The following PPP4R4 variants were observed in gnomAD, a reference collection of about 807,000 sequenced individuals.
The protein encoded by PPP4R4 is serine/threonine-protein phosphatase 4 regulatory subunit 4.
In PPP4R4, 70 loss-of-function variants were observed where a neutral mutation model predicts 121.8. That is an observed-to-expected ratio of 0.57 (90% CI 0.47 to 0.70). The LOEUF (loss-of-function observed/expected upper bound fraction) is 0.70, where lower values mean the gene tolerates loss of function less well. Ranked by LOEUF, PPP4R4 falls within the 30% of genes least tolerant of loss-of-function variation. The pLI, the probability that PPP4R4 is intolerant of heterozygous loss-of-function variation, is 0.00. For missense variants in PPP4R4, 875 were observed against 1,033.6 expected, an observed-to-expected ratio of 0.85 and a Z score of 2.10; for synonymous variants, 348 against 355.7, an observed-to-expected ratio of 0.98 and a Z score of 0.24.
chr14:94,251,868 C>T lies in PPP4R4; in HGVS notation c.1837C>T (p.Leu613=). ...ATATTTCTTTCTACCTGCTATTGAA[C>T]TGACACATGATCCAGTAGCAAATGT... ...CKYFFLPAIE[L]THDPVANVRM... is the part of the protein sequence containing the mutation. Residue 613 remains leucine (L), a synonymous_variant, in exon 16 of 25, where the codon CTG becomes TTG. Transcript: ENST00000304338. 6.3e-7 allele frequency: 1 copy of T among 1,591,554 alleles called. No individual in the cohort carries two copies. Among genetic ancestry groups the T allele is most frequent in the Non-Finnish European group, 8.6e-7 (1 of 1,167,260 alleles).
At chr14:94,266,937 A>G in intron 22 of PPP4R4, 22 bp from the exon 23 acceptor site, 1 of 1,488,832 alleles carries the variant, frequency 6.7e-7, no homozygotes, top group Non-Finnish European at 9.3e-7. Context: ...TGTATTTTAA[A>G]CTAAATCATG....
At chr14:94,227,309 T>A (rs780087931) in intron 3 of PPP4R4, 17 of 1,612,212 alleles carry the variant, frequency 1.1e-5, no homozygotes, top group Non-Finnish European at 1.4e-5. Context: ...CACACTTATT[T>A]ATCCAGAGAG....
intron 2 of PPP4R4, among the ~76,000 whole-genome samples, chr14:94,194,479 CAAAAAGAATAATGTTGATCAAATATTT>C (rs746064029): frequency 6.6e-6 from 1 of 152,006 alleles, no homozygotes; most frequent in Non-Finnish European, 1.5e-5. Context: ...TACTTTGAAA[CAAAAAGAATAATGTTGATCAAATATTT>C]AAAAATTACA....
chr14:94,272,388 C>G (rs1191723619), intron 23 of PPP4R4, among the ~76,000 whole-genome samples: 1 of 152,104 alleles, frequency 6.6e-6, no homozygotes, highest in Non-Finnish European at 1.5e-5. Flanking sequence ...AACAAAGGAG[C>G]AAAGCCAATA....
At chr14:94,246,321 AT>A in intron 13 of PPP4R4, 35 bp from the exon 14 acceptor site, 2 of 1,559,362 alleles carry the variant, frequency 1.3e-6, no homozygotes, top group Non-Finnish European at 1.7e-6. Flanking sequence ...GCTGCAATTT[AT>A]TTATAATTGA....
chr14:94,237,528 T>C, intron 7 of PPP4R4, 37 bp from the exon 8 acceptor site: 1 of 1,576,772 alleles, frequency 6.3e-7, no homozygotes, highest in South Asian at 1.1e-5. Context: ...ACACATTTAT[T>C]GATTTGATTT....
In PPP4R4 at chr14:94,256,638, T is replaced by G. The variant is rs143001586; in HGVS notation, c.2010+34T>G. The G allele has an allele frequency of 1.4e-4, 221 of 1,539,338 alleles. No homozygotes were observed. The East Asian group carries it at 4.5e-3, about 31-fold the overall frequency. On this transcript the variant is annotated intron_variant, in intron 17 of 24. Coordinates refer to ENST00000304338, the MANE Select transcript of PPP4R4 (RefSeq NM_058237.2). Reference sequence around the variant, plus strand: ...CACTCTTGCCACAATGTTGCATTTTTTGCATTAAGGCAGTAAGAATCTTAG... The same window carrying G: ...CACTCTTGCCACAATGTTGCATTTTGTGCATTAAGGCAGTAAGAATCTTAG...
At chr14:94,250,148 G>C in intron 14 of PPP4R4, 24 bp from the exon 15 acceptor site, 1 of 1,482,570 alleles carries the variant, frequency 6.7e-7, no homozygotes, top group Non-Finnish European at 9.4e-7. Context: ...TAGTGTAACT[G>C]TCTGTCTTAC....
At chr14:94,265,934 T>C (rs767300131) in intron 22 of PPP4R4, 47 bp downstream of exon 22, 1 of 1,233,790 alleles carries the variant, frequency 8.1e-7, no homozygotes, top group Non-Finnish European at 1.1e-6. Context: ...TTTATCTTTA[T>C]TCACATCTTC....
intron 24 of PPP4R4, among the ~76,000 whole-genome samples, 195 bp downstream of exon 24, chr14:94,275,716 A>G (rs1894603219): frequency 6.6e-6 from 1 of 152,262 alleles, no homozygotes; most frequent in African/African-American, 2.4e-5. Flanking sequence ...TGGCAAAGGC[A>G]TTATAACCTT....
At position 94,194,902 on chromosome 14, in the gene PPP4R4, T is replaced by C. The variant is rs769150887; in HGVS notation, c.192-13562T>C. ...GCAAGCCAAGTCTAGTCAGTGACCC[T>C]TTTGTCTGATACACAACCTTTTCAC... On this transcript the variant is annotated intron_variant, in intron 2 of 24. Coordinates refer to ENST00000304338, the MANE Select transcript of PPP4R4 (RefSeq NM_058237.2). Among the ~76,000 whole-genome samples the C allele has an allele frequency of 9.3e-4, 142 of 152,254 alleles. 1 individual carries two copies. The highest frequency in any genetic ancestry group is 3.4e-3 in the African/African-American group (139 of 41,466).
At chr14:94,247,717 A>G (rs529533531) in intron 14 of PPP4R4, among the ~76,000 whole-genome samples, 2 of 152,292 alleles carry the variant, frequency 1.3e-5, no homozygotes, top group African/African-American at 2.4e-5. Flanking sequence ...ATTCACCACA[A>G]TCAAGTGGGC....
intron 2 of PPP4R4, among the ~76,000 whole-genome samples, chr14:94,176,661 A>T (rs1417351836): frequency 2.0e-5 from 3 of 152,056 alleles, no homozygotes; most frequent in Non-Finnish European, 4.4e-5. Context: ...ACCATCTCAC[A>T]GGCTCTACAG....
chr14:94,257,247 T>C (rs1893524062), intron 17 of PPP4R4, among the ~76,000 whole-genome samples: 1 of 152,084 alleles, frequency 6.6e-6, no homozygotes, highest in South Asian at 2.1e-4. Flanking sequence ...AAATTTGGGT[T>C]AGTGAGCCAC....
intron 23 of PPP4R4, among the ~76,000 whole-genome samples, chr14:94,271,663 G>A (rs1315559816): frequency 3.3e-5 from 5 of 152,120 alleles, no homozygotes; most frequent in Non-Finnish European, 7.4e-5. Flanking sequence ...GAAAAGGAAA[G>A]AAAAGATATA....
chr14:94,232,873 A>C (rs192511506), intron 5 of PPP4R4, among the ~76,000 whole-genome samples: 4,335 of 152,164 alleles, frequency 0.028, 91 homozygotes, highest in Non-Finnish European at 0.045. Context: ...CCTGGCTAAC[A>C]CGGTGAAACC....
At chr14:94,183,995 A>C (rs1003272205) in intron 2 of PPP4R4, among the ~76,000 whole-genome samples, 5 of 152,322 alleles carry the variant, frequency 3.3e-5, no homozygotes, top group Admixed American at 6.5e-5. Context: ...ACATATGTAT[A>C]TCATAAATGT....
At chr14:94,235,809 G>C (rs1277856399) in intron 7 of PPP4R4, among the ~76,000 whole-genome samples, 1 of 152,000 alleles carries the variant, frequency 6.6e-6, no homozygotes, top group Non-Finnish European at 1.5e-5. Context: ...GATATTAAAG[G>C]GAGTCTTACC....
intron 23 of PPP4R4, among the ~76,000 whole-genome samples, chr14:94,267,570 A>G (rs1009133683): frequency 6.6e-6 from 1 of 152,200 alleles, no homozygotes; most frequent in Admixed American, 6.5e-5. Flanking sequence ...CTTTATCTAC[A>G]AAAACAGGCA....
Sources: gnomAD v4.1 joint callset for allele counts (sites outside exome capture counted in the v4.1 genomes callset) on GRCh38, gnomAD v4.1.1 for gene constraint, MANE v1.5 for transcripts, NCBI Gene and HGNC (gene_info 2026-07-23, HGNC 2026-07-21) for gene names.